Variants in ABR observed in about 807,000 individuals in gnomAD.
ABR encodes the protein active breakpoint cluster region-related protein.
ABR carries 35 observed loss-of-function variants against 107.2 expected under a neutral mutation model. The ratio of observed to expected loss-of-function variants is 0.33; its 90% CI spans 0.25 to 0.43. The LOEUF is 0.43. ABR is among the 20% of genes least tolerant of loss of function. The pLI, the probability that ABR is intolerant of heterozygous loss-of-function variation, is 1.00. For missense variants in ABR, 815 were observed against 1,115.2 expected (o/e 0.73, Z 3.83); for synonymous variants, 498 against 462.0 (o/e 1.08, Z -1.00).
At chr17:1,116,001 C>T (rs1447380179) in intron 2 of ABR, among the ~76,000 whole-genome samples, 4 of 151,828 alleles carry the variant, frequency 2.6e-5, no homozygotes, top group East Asian at 1.9e-4. Context: ...CCGAGGCGGG[C>T]GGATCACCTG....
At position 1,113,910 on chromosome 17, in the gene ABR, G is replaced by T. The variant is rs143183583; in HGVS notation, c.246+11273C>A. ...AGGCCGGGTGCAGTGGCTTACGCCT[G>T]AAATCCCAACAGTTCGGGAGGCCGA... On this transcript the variant is annotated intron_variant, in intron 2 of 22. Transcript: ENST00000302538. 2.0e-3 allele frequency among the ~76,000 whole-genome samples: 298 copies of T among 152,160 alleles called. 2 individuals carry two copies. Among genetic ancestry groups the T allele is most frequent in the African/African-American group, 6.2e-3 (258 of 41,518 alleles).
intron 1 of ABR, among the ~76,000 whole-genome samples, chr17:1,133,495 T>C (rs1175797982): frequency 6.6e-6 from 1 of 151,650 alleles, no homozygotes; most frequent in Non-Finnish European, 1.5e-5. Flanking sequence ...CTATATAGCA[T>C]TAAAAACTAT....
chr17:1,022,120 A>AAAAAAAAAAAAAAAAAAAAAAAAAAC (rs56033950), intron 16 of ABR, among the ~76,000 whole-genome samples: 1 of 118,386 alleles, frequency 8.4e-6, no homozygotes, highest in Non-Finnish European at 1.6e-5. Flanking sequence ...AAAAAAAAAA[A>AAAAAAAAAAAAAAAAAAAAAAAAAAC]AAAAACAGAA....
chr17:1,085,857 G>A (rs1351060474), intron 4 of ABR, among the ~76,000 whole-genome samples: 1 of 152,086 alleles, frequency 6.6e-6, no homozygotes, highest in Non-Finnish European at 1.5e-5. Flanking sequence ...AAAAATGTGG[G>A]TATTAGGGGC....
At chr17:1,123,529 C>T (rs1048693838) in intron 2 of ABR, among the ~76,000 whole-genome samples, 34 of 152,284 alleles carry the variant, frequency 2.2e-4, no homozygotes, top group East Asian at 9.7e-4. Flanking sequence ...TCGACGGACA[C>T]GGAAACCAGT....
intron 4 of ABR, among the ~76,000 whole-genome samples, chr17:1,088,910 T>G (rs2036822397): frequency 6.7e-6 from 1 of 148,754 alleles, no homozygotes; most frequent in African/African-American, 2.5e-5. Context: ...TTTTTTTTTT[T>G]TTTGAGACAG....
chr17:1,117,845 C>A (rs2039099239), intron 2 of ABR, among the ~76,000 whole-genome samples: 1 of 96,824 alleles, frequency 1.0e-5, no homozygotes, highest in East Asian at 2.5e-4. Flanking sequence ...CTGAGTCCCT[C>A]CCAGCGTTAT....
chr17:1,134,082 C>G (rs1440411289), intron 1 of ABR, among the ~76,000 whole-genome samples: 2 of 152,168 alleles, frequency 1.3e-5, no homozygotes, highest in Non-Finnish European at 2.9e-5. Flanking sequence ...GAGTTCGAGA[C>G]CAGCCTGGGC....
At position 1,067,130 on chromosome 17, in the gene ABR, G is replaced by A. The variant is rs982092076; in HGVS notation, c.1129C>T (p.Leu377=). The stretch of plus-strand genomic sequence containing the variant: ...GAGATCTTCATCTTCATGTCCTCCA[G>A]CTCATGGTCTGGGAAGGGGTGCACC... ...PQVHPFPDHE[L]EDMKMKISAL... Residue 377 remains leucine (L), a synonymous_variant, in exon 10 of 23, where the codon CTG becomes TTG. Coordinates refer to ENST00000302538, the MANE Select transcript of ABR (RefSeq NM_021962.5). 3 of 1,613,820 alleles carry A rather than the reference G, an allele frequency of 1.9e-6. No homozygotes were observed. The highest frequency in any genetic ancestry group is 2.7e-5 in the African/African-American group (2 of 74,888).
At chr17:1,160,020 C>T (rs1434486805) in intron 1 of ABR, among the ~76,000 whole-genome samples, 2 of 152,218 alleles carry the variant, frequency 1.3e-5, no homozygotes, top group East Asian at 3.9e-4. Flanking sequence ...GGAACAGGTC[C>T]CTTGGGGCTG....
chr17:1,139,226 GAA>G (rs900145396), intron 1 of ABR, among the ~76,000 whole-genome samples: 1 of 150,750 alleles, frequency 6.6e-6, no homozygotes, highest in Non-Finnish European at 1.5e-5. Flanking sequence ...TTGCTAGGCA[GAA>G]AAAAAAAGAG....
rs528173887 is a variant in ABR at position 1,008,884 on chromosome 17, G to C, written c.2342+795C>G. On this transcript the variant is annotated intron_variant, in intron 21 of 22. Transcript: ENST00000302538. The stretch of plus-strand genomic sequence containing the variant: ...AACCAACTTTAGCCACTCTTGGTTG[G>C]ACCTGACTAGAAAGGGTGGTGGGAA... 2.6e-5 allele frequency among the ~76,000 whole-genome samples: 4 copies of C among 152,330 alleles called. No homozygotes were observed. The East Asian group carries it at 7.7e-4, about 29-fold the overall frequency.
chr17:1,203,433 G>GGGGC (rs1447812180), intron 1 of ABR, among the ~76,000 whole-genome samples: 14,159 of 89,836 alleles, frequency 0.16, 6,170 homozygotes, highest in East Asian at 0.32. Context: ...GGGGCCCGCG[G>GGGGC]GGACGGAGTC....
At chr17:1,212,562 C>G (rs8078248) in intron 1 of ABR, among the ~76,000 whole-genome samples, 145,653 of 152,232 alleles carry the variant, frequency 0.96, 69,996 homozygotes, top group East Asian at 1. Context: ...CGAGACTGGC[C>G]TGGCCAACAT....
chr17:1,162,092 C>T (rs963996106), intron 1 of ABR, among the ~76,000 whole-genome samples: 10 of 152,276 alleles, frequency 6.6e-5, no homozygotes, highest in East Asian at 5.8e-4. Flanking sequence ...TTTCCTTTGC[C>T]GACACATCCT....
chr17:1,042,615 G>A (rs1480956894), intron 16 of ABR, among the ~76,000 whole-genome samples: 2 of 141,280 alleles, frequency 1.4e-5, no homozygotes, highest in Non-Finnish European at 3.1e-5. Context: ...ACGAAGAGAC[G>A]TGGCACCTAC....
intron 6 of ABR, among the ~76,000 whole-genome samples, chr17:1,077,890 C>T (rs1056934150): frequency 1.3e-5 from 2 of 152,236 alleles, no homozygotes; most frequent in African/African-American, 4.8e-5. Flanking sequence ...CCACCCCACT[C>T]CCTGCCACAG....
intron 3 of ABR, among the ~76,000 whole-genome samples, chr17:1,094,825 G>A (rs1322840079): frequency 6.6e-6 from 1 of 151,836 alleles, no homozygotes; most frequent in Non-Finnish European, 1.5e-5. Flanking sequence ...CCAGGTCCTT[G>A]GAGAGCTGAG....
At chr17:1,088,625 G>A (rs190305512) in intron 4 of ABR, among the ~76,000 whole-genome samples, 159 of 151,262 alleles carry the variant, frequency 1.1e-3, no homozygotes, top group African/African-American at 3.6e-3. Flanking sequence ...TGCTCTTGTC[G>A]CCCAGGCTGG....
Sources: allele counts gnomAD v4.1 joint callset (sites outside exome capture counted in the v4.1 genomes callset), GRCh38; gene constraint gnomAD v4.1.1; transcripts MANE v1.5; gene names NCBI Gene and HGNC (gene_info 2026-07-23, HGNC 2026-07-21).